The following MCU variants were observed in gnomAD, a reference collection of about 807,000 sequenced individuals.
MCU encodes calcium uniporter protein, mitochondrial.
Under a neutral mutation model 45.2 loss-of-function variants are expected in MCU, and 12 were observed. The observed-to-expected ratio is 0.27, with a 90% CI of 0.17 to 0.43. The LOEUF (loss-of-function observed/expected upper bound fraction) is 0.43, where lower values mean the gene tolerates loss of function less well. MCU is among the 20% of genes least tolerant of loss of function. MCU has a pLI of 1.00. For missense variants in MCU, 324 were observed against 436.7 expected (o/e 0.74, Z 2.30); for synonymous variants, 160 against 165.1 (o/e 0.97, Z 0.24).
intron 1 of MCU, among the ~76,000 whole-genome samples, chr10:72,757,705 A>G (rs1399129662): frequency 6.6e-6 from 1 of 152,204 alleles, no homozygotes; most frequent in Non-Finnish European, 1.5e-5. Flanking sequence ...TTTTTCCCCA[A>G]CTAAATAATT....
intron 1 of MCU, among the ~76,000 whole-genome samples, chr10:72,745,609 C>T (rs1431690580): frequency 6.6e-6 from 1 of 152,156 alleles, no homozygotes; most frequent in Non-Finnish European, 1.5e-5. Flanking sequence ...ATAGAATTTT[C>T]TCATAGTACA....
intron 1 of MCU, among the ~76,000 whole-genome samples, chr10:72,763,635 G>C (rs911069101): frequency 2.6e-5 from 4 of 152,152 alleles, no homozygotes; most frequent in Admixed American, 2.6e-4. Context: ...TACAGCTTCA[G>C]TTTATCCTGT....
chr10:72,770,123 C>T (rs1411084981), intron 1 of MCU, among the ~76,000 whole-genome samples: 1 of 151,822 alleles, frequency 6.6e-6, no homozygotes, highest in South Asian at 2.1e-4. Context: ...TTACTTCTGT[C>T]ACTGATTTCT....
At chr10:72,784,722 T>C (rs1343893507) in intron 1 of MCU, among the ~76,000 whole-genome samples, 2 of 152,116 alleles carry the variant, frequency 1.3e-5, no homozygotes, top group Admixed American at 1.3e-4. Context: ...TATGTGTGCG[T>C]GGGTGTGTGA....
intron 1 of MCU, among the ~76,000 whole-genome samples, chr10:72,701,006 A>G (rs1008867735): frequency 6.6e-6 from 1 of 152,200 alleles, no homozygotes; most frequent in African/African-American, 2.4e-5. Context: ...TGTAGGTATC[A>G]ATATCATTTA....
chr10:72,812,388 C>T (rs970789416), intron 1 of MCU, among the ~76,000 whole-genome samples: 3 of 152,188 alleles, frequency 2.0e-5, no homozygotes, highest in Non-Finnish European at 4.4e-5. Context: ...TCAGGTGATC[C>T]GCCCGCCTCG....
At chr10:72,694,364 C>A (rs1175277031) in intron 1 of MCU, among the ~76,000 whole-genome samples, 1 of 152,132 alleles carries the variant, frequency 6.6e-6, no homozygotes, top group Non-Finnish European at 1.5e-5. Context: ...TTAGCTAATA[C>A]GTAAGTTTTA....
At chr10:72,705,838 G>A (rs927997816) in intron 1 of MCU, among the ~76,000 whole-genome samples, 14 of 151,488 alleles carry the variant, frequency 9.2e-5, no homozygotes, top group African/African-American at 3.2e-4. Flanking sequence ...AAAATTAGTC[G>A]GGTGTGGGTG....
chr10:72,756,409 A>G (rs2132716917), intron 1 of MCU: 1 of 152,328 alleles, frequency 6.6e-6, no homozygotes, highest in South Asian at 2.1e-4. Flanking sequence ...TACATTTTTC[A>G]GTAGATTGCT....
intron 1 of MCU, among the ~76,000 whole-genome samples, chr10:72,729,952 C>CTTT (rs58668483): frequency 3.3e-4 from 30 of 90,552 alleles, no homozygotes; most frequent in East Asian, 2.0e-3. Context: ...CTTCAGCATT[C>CTTT]TTTTTTTTTT....
chr10:72,871,307 C>A, intron 5 of MCU, 70 bp from the exon 6 acceptor site: 2 of 1,379,668 alleles, frequency 1.4e-6, no homozygotes, highest in Non-Finnish European at 2.1e-6. Context: ...CTTTAGTGAA[C>A]ATAGAACAGT....
chr10:72,728,248 ATT>A (rs1843125691), intron 1 of MCU, among the ~76,000 whole-genome samples: 3 of 152,208 alleles, frequency 2.0e-5, no homozygotes, highest in Admixed American at 6.5e-5. Context: ...ATATAGGTCA[ATT>A]ACCTGCTTCC....
At chr10:72,883,018 C>G (rs1845728792) in intron 6 of MCU, among the ~76,000 whole-genome samples, 1 of 152,160 alleles carries the variant, frequency 6.6e-6, no homozygotes, top group Admixed American at 6.5e-5. Context: ...TCCCCGATAA[C>G]TATTAATGGA....
intron 1 of MCU, among the ~76,000 whole-genome samples, chr10:72,732,983 A>G (rs1451025922): frequency 6.6e-6 from 1 of 152,236 alleles, no homozygotes; most frequent in Non-Finnish European, 1.5e-5. Context: ...CCAGATTAAT[A>G]TTAAATGGAA....
chr10:72,760,067 C>CA (rs777098900), intron 1 of MCU, among the ~76,000 whole-genome samples: 3 of 149,432 alleles, frequency 2.0e-5, no homozygotes, highest in Non-Finnish European at 3.0e-5. Context: ...TTTTTTGAGA[C>CA]AGAGTCTAGC....
chr10:72,862,142 T>C (rs1365275524), intron 4 of MCU, among the ~76,000 whole-genome samples: 1 of 151,936 alleles, frequency 6.6e-6, no homozygotes, highest in Non-Finnish European at 1.5e-5. Context: ...CCACCACGCC[T>C]GGCTAATTTT....
At chr10:72,872,219 A>G (rs1482651507) in intron 6 of MCU, among the ~76,000 whole-genome samples, 3 of 152,156 alleles carry the variant, frequency 2.0e-5, no homozygotes, top group African/African-American at 7.2e-5. Context: ...TGATCAAATC[A>G]GGGTAAATGG....
chr10:72,818,533 G>A (rs185698384), intron 1 of MCU, among the ~76,000 whole-genome samples: 2 of 152,100 alleles, frequency 1.3e-5, no homozygotes, highest in East Asian at 3.9e-4. Flanking sequence ...CTTGTGTTGT[G>A]GAGACATAAA....
chr10:72,833,846 G>T (rs1844914405), intron 1 of MCU, among the ~76,000 whole-genome samples: 1 of 152,134 alleles, frequency 6.6e-6, no homozygotes, highest in Non-Finnish European at 1.5e-5. Flanking sequence ...AACTAGTGAG[G>T]TTGCCTCTCC....
Sources: allele counts gnomAD v4.1 joint callset (sites outside exome capture counted in the v4.1 genomes callset), GRCh38; gene constraint gnomAD v4.1.1; transcripts MANE v1.5; gene names NCBI Gene and HGNC (gene_info 2026-07-23, HGNC 2026-07-21).